Variants in SLC25A48 observed in about 807,000 individuals in gnomAD.
SLC25A48 encodes CTC-321K16.1.
A neutral mutation model predicts 32.2 loss-of-function variants in SLC25A48; 29 were observed. The observed-to-expected ratio is 0.90, with a 90% CI of 0.67 to 1.23. The LOEUF is 1.23. Ranked by LOEUF, SLC25A48 falls within the 50% of genes most tolerant of loss-of-function variation. SLC25A48 has a pLI of 0.00. For synonymous variants in SLC25A48, 164 were observed against 172.3 expected (o/e 0.95, Z 0.38); for missense variants, 399 against 422.7 (o/e 0.94, Z 0.49).
chr5:135,886,622 TATATATATATATATAA>T (rs1403012361), intron 7 of SLC25A48, among the ~76,000 whole-genome samples: 2 of 21,262 alleles, frequency 9.4e-5, no homozygotes, highest in African/African-American at 6.5e-4. Context: ...TATATATATA[TATATATATATATATAA>T]AATATATATA....
chr5:135,715,501 C>G (rs1455698690), intron 3 of SLC25A48, among the ~76,000 whole-genome samples: 1 of 152,150 alleles, frequency 6.6e-6, no homozygotes, highest in African/African-American at 2.4e-5. Context: ...CAGCATTGCC[C>G]CTTTGTGGGC....
chr5:135,777,634 C>T (rs1045767682), intron 3 of SLC25A48, among the ~76,000 whole-genome samples: 2 of 151,392 alleles, frequency 1.3e-5, no homozygotes, highest in Non-Finnish European at 2.9e-5. Context: ...TTCCTAATAT[C>T]GAGGAGGAGA....
chr5:135,694,613 T>G (rs1754225365), intron 3 of SLC25A48, among the ~76,000 whole-genome samples: 1 of 152,094 alleles, frequency 6.6e-6, no homozygotes, highest in Non-Finnish European at 1.5e-5. Flanking sequence ...TTTTATTTTT[T>G]TGAGACAGAA....
At chr5:135,865,025 T>C (rs1761080543) in intron 4 of SLC25A48, among the ~76,000 whole-genome samples, 1 of 152,180 alleles carries the variant, frequency 6.6e-6, no homozygotes, top group South Asian at 2.1e-4. Context: ...TTGCCTTGAG[T>C]AAGGGACATT....
At chr5:135,626,038 A>G (rs1018355772) in intron 1 of SLC25A48, among the ~76,000 whole-genome samples, 1 of 152,252 alleles carries the variant, frequency 6.6e-6, no homozygotes, top group Admixed American at 6.5e-5. Flanking sequence ...AGCAGGCCCT[A>G]AAACCCAGGC....
chr5:135,614,287 A>T (rs1242313991), intron 1 of SLC25A48, among the ~76,000 whole-genome samples: 1 of 152,222 alleles, frequency 6.6e-6, no homozygotes, highest in African/African-American at 2.4e-5. Context: ...GTTACTCTAC[A>T]ACATTACTGA....
At chr5:135,582,952 G>T (rs1029839230) in intron 1 of SLC25A48, among the ~76,000 whole-genome samples, 3 of 152,146 alleles carry the variant, frequency 2.0e-5, no homozygotes, top group Admixed American at 1.3e-4. Context: ...ACCTCAAATT[G>T]TACATTTTCA....
chr5:135,871,029 G>A (rs941031097), intron 4 of SLC25A48, among the ~76,000 whole-genome samples: 10 of 147,140 alleles, frequency 6.8e-5, no homozygotes, highest in Non-Finnish European at 7.5e-5. Flanking sequence ...ATTTTGCTCC[G>A]CCACACTGTG....
chr5:135,608,892 C>T (rs1387028893), intron 1 of SLC25A48, among the ~76,000 whole-genome samples: 3 of 152,154 alleles, frequency 2.0e-5, no homozygotes, highest in Admixed American at 6.5e-5. Flanking sequence ...TGACCTGGGA[C>T]ATGACTTTAG....
At chr5:135,830,028 CG>C (rs145509059), upstream of SLC25A48, among the ~76,000 whole-genome samples, 3,938 of 152,222 alleles carry the variant, frequency 0.026, 158 homozygotes, top group African/African-American at 0.089. Context: ...ATTGGGGTGT[CG>C]CCTCCCATCC....
At chr5:135,606,137 G>A (rs573597309) in intron 1 of SLC25A48, among the ~76,000 whole-genome samples, 1 of 152,262 alleles carries the variant, frequency 6.6e-6, no homozygotes, top group African/African-American at 2.4e-5. Flanking sequence ...TCAGGGCTGG[G>A]CCTGCTTCTG....
chr5:135,586,717 G>C (rs1337214742), intron 1 of SLC25A48, among the ~76,000 whole-genome samples: 1 of 152,218 alleles, frequency 6.6e-6, no homozygotes, highest in Non-Finnish European at 1.5e-5. Context: ...CAAGGAAACT[G>C]TAGGATGCTA....
At chr5:135,658,840 G>T (rs527935981) in intron 3 of SLC25A48, among the ~76,000 whole-genome samples, 2 of 152,304 alleles carry the variant, frequency 1.3e-5, no homozygotes, top group East Asian at 3.9e-4. Context: ...GTTATACTTG[G>T]CCTCTTTTAG....
chr5:135,596,509 T>C (rs1751654696), intron 1 of SLC25A48, among the ~76,000 whole-genome samples: 3 of 152,190 alleles, frequency 2.0e-5, no homozygotes. Flanking sequence ...CAAAGTCAGA[T>C]GTATCTTGAC....
chr5:135,734,229 C>T (rs7379246), intron 3 of SLC25A48, among the ~76,000 whole-genome samples: 36,136 of 151,538 alleles, frequency 0.24, 4,324 homozygotes, highest in East Asian at 0.34. Flanking sequence ...TGGGGGGATA[C>T]GAGAGGAAGA....
At chr5:135,837,780 T>C (rs536329625) in intron 1 of SLC25A48, among the ~76,000 whole-genome samples, 28 of 152,374 alleles carry the variant, frequency 1.8e-4, no homozygotes, top group East Asian at 9.6e-4. Context: ...TCCCCAGCCA[T>C]GTAGAACAGT....
chr5:135,853,418 C>G (rs1760055638), intron 4 of SLC25A48, among the ~76,000 whole-genome samples: 1 of 152,244 alleles, frequency 6.6e-6, no homozygotes, highest in Non-Finnish European at 1.5e-5. Context: ...TCAGTCCTCT[C>G]AAACCCTGAC....
intron 3 of SLC25A48, among the ~76,000 whole-genome samples, chr5:135,669,531 T>A (rs1753604996): frequency 6.6e-6 from 1 of 152,284 alleles, no homozygotes; most frequent in East Asian, 1.9e-4. Context: ...GGGAGCTCAG[T>A]GTGACAACAT....
intron 3 of SLC25A48, among the ~76,000 whole-genome samples, chr5:135,756,620 G>A (rs1755913006): frequency 6.6e-6 from 1 of 152,102 alleles, no homozygotes; most frequent in Non-Finnish European, 1.5e-5. Flanking sequence ...GCAGTGAGCT[G>A]AGATTATGCC....
Sources: gnomAD v4.1 joint callset for allele counts (sites outside exome capture counted in the v4.1 genomes callset) on GRCh38, gnomAD v4.1.1 for gene constraint, MANE v1.5 for transcripts, NCBI Gene and HGNC (gene_info 2026-07-23, HGNC 2026-07-21) for gene names.